The following PRKCA variants were observed in gnomAD, a reference collection of about 807,000 sequenced individuals.
PRKCA encodes protein kinase C alpha.
Under a neutral mutation model 87.0 loss-of-function variants are expected in PRKCA, and 27 were observed. The ratio of observed to expected loss-of-function variants is 0.31; its 90% CI spans 0.23 to 0.43. The LOEUF (loss-of-function observed/expected upper bound fraction) is 0.43. PRKCA is among the 20% of genes least tolerant of loss of function. PRKCA has a pLI of 1.00. For synonymous variants in PRKCA, 329 were observed against 311.1 expected, an observed-to-expected ratio of 1.06 and a Z score of -0.61; for missense variants, 518 against 852.3, an observed-to-expected ratio of 0.61 and a Z score of 4.88.
chr17:66,409,785 G>T (rs1224948120), intron 2 of PRKCA, among the ~76,000 whole-genome samples: 1 of 152,194 alleles, frequency 6.6e-6, no homozygotes, highest in Non-Finnish European at 1.5e-5. Flanking sequence ...AAAAAAATTA[G>T]CCAGACGTGG....
intron 2 of PRKCA, among the ~76,000 whole-genome samples, chr17:66,433,661 C>T (rs1454103083): frequency 6.6e-6 from 1 of 152,186 alleles, no homozygotes; most frequent in Non-Finnish European, 1.5e-5. Flanking sequence ...TCTCAGGCCA[C>T]AGCCTCCCGA....
chr17:66,675,671 T>C (rs1972309100), intron 5 of PRKCA, among the ~76,000 whole-genome samples: 1 of 152,160 alleles, frequency 6.6e-6, no homozygotes, highest in African/African-American at 2.4e-5. Flanking sequence ...CAGAGTGTTT[T>C]AGGATGTGCC....
chr17:66,447,805 G>T (rs561148195), intron 2 of PRKCA, among the ~76,000 whole-genome samples: 1 of 152,190 alleles, frequency 6.6e-6, no homozygotes, highest in African/African-American at 2.4e-5. Flanking sequence ...ACCTCCTCAC[G>T]TCTAGGCTCT....
intron 13 of PRKCA, among the ~76,000 whole-genome samples, chr17:66,751,222 TA>T (rs1974419695): frequency 6.6e-6 from 1 of 152,250 alleles, no homozygotes; most frequent in South Asian, 2.1e-4. Flanking sequence ...GCCACGCACT[TA>T]ACGCCTGTTA....
intron 2 of PRKCA, among the ~76,000 whole-genome samples, chr17:66,338,202 C>T (rs764012503): frequency 6.6e-6 from 1 of 152,084 alleles, no homozygotes; most frequent in Non-Finnish European, 1.5e-5. Flanking sequence ...TTACACCATG[C>T]TTGAGGCTGC....
At chr17:66,615,379 T>A (rs1970488048) in intron 3 of PRKCA, among the ~76,000 whole-genome samples, 1 of 152,080 alleles carries the variant, frequency 6.6e-6, no homozygotes, top group Non-Finnish European at 1.5e-5. Context: ...GTAATGGGAT[T>A]GTATTCTGTA....
intron 13 of PRKCA, among the ~76,000 whole-genome samples, chr17:66,746,819 A>G (rs564582099): frequency 5.7e-4 from 87 of 152,296 alleles, no homozygotes; most frequent in Non-Finnish European, 1.1e-3. Flanking sequence ...AGAGTCCTTG[A>G]GCAGGCCAAG....
At chr17:66,409,068 A>G (rs1441447175) in intron 2 of PRKCA, among the ~76,000 whole-genome samples, 2 of 150,802 alleles carry the variant, frequency 1.3e-5, no homozygotes, top group African/African-American at 4.9e-5. Context: ...AGAAGAATAA[A>G]TAGTGGTTGT....
At chr17:66,383,112 A>G (rs4997085) in intron 2 of PRKCA, among the ~76,000 whole-genome samples, 8,284 of 128,884 alleles carry the variant, frequency 0.064, 314 homozygotes, top group East Asian at 0.14. Context: ...TTTCTCTCCT[A>G]TACTACATAT....
intron 8 of PRKCA, among the ~76,000 whole-genome samples, chr17:66,726,063 C>G (rs1336538695): frequency 6.6e-6 from 1 of 152,134 alleles, no homozygotes; most frequent in Admixed American, 6.5e-5. Context: ...TCCCATAACT[C>G]GGGCACCTCG....
chr17:66,321,230 G>A (rs931492221), intron 2 of PRKCA, among the ~76,000 whole-genome samples: 5 of 152,116 alleles, frequency 3.3e-5, no homozygotes, highest in African/African-American at 4.8e-5. Flanking sequence ...TTAAAAATTA[G>A]TCTGAAACAA....
intron 5 of PRKCA, among the ~76,000 whole-genome samples, chr17:66,663,902 C>T (rs1394564305): frequency 6.6e-6 from 1 of 150,376 alleles, no homozygotes; most frequent in Non-Finnish European, 1.5e-5. Context: ...GGGTCTCACT[C>T]AGTCACCCAG....
At chr17:66,456,863 A>G (rs559113719) in intron 2 of PRKCA, among the ~76,000 whole-genome samples, 16 of 152,330 alleles carry the variant, frequency 1.1e-4, no homozygotes, top group African/African-American at 3.8e-4. Flanking sequence ...CGATGCTGCA[A>G]GGAAAGCACA....
intron 8 of PRKCA, among the ~76,000 whole-genome samples, chr17:66,710,239 G>T (rs1239924820): frequency 6.6e-6 from 1 of 152,014 alleles, no homozygotes; most frequent in Non-Finnish European, 1.5e-5. Context: ...TGCACTGGAA[G>T]GTTCACCGCA....
intron 3 of PRKCA, among the ~76,000 whole-genome samples, chr17:66,619,534 C>A (rs1970614350): frequency 6.6e-6 from 1 of 152,174 alleles, no homozygotes. Flanking sequence ...ATAAAAATAT[C>A]CATTAAGGCT....
At chr17:66,354,674 A>C (rs1480048984) in intron 2 of PRKCA, among the ~76,000 whole-genome samples, 1 of 152,112 alleles carries the variant, frequency 6.6e-6, no homozygotes, top group African/African-American at 2.4e-5. Flanking sequence ...CTACTTGACT[A>C]ATCAGTTTAA....
chr17:66,626,289 G>A (rs939218651), intron 3 of PRKCA, among the ~76,000 whole-genome samples: 1 of 150,818 alleles, frequency 6.6e-6, no homozygotes. Flanking sequence ...CCAGGCTCAA[G>A]CAATCTTCCC....
chr17:66,420,002 CTTTTTTTT>C (rs558522698), intron 2 of PRKCA, among the ~76,000 whole-genome samples: 1 of 113,714 alleles, frequency 8.8e-6, no homozygotes, highest in African/African-American at 3.2e-5. Flanking sequence ...GGGTTGTGTT[CTTTTTTTT>C]TTTTTTTTTT....
intron 8 of PRKCA, among the ~76,000 whole-genome samples, chr17:66,690,270 C>T (rs1358929227): frequency 6.6e-6 from 1 of 152,146 alleles, no homozygotes; most frequent in East Asian, 1.9e-4. Flanking sequence ...GGAGCACAGA[C>T]GAGTGAAATG....
Sources: allele counts gnomAD v4.1 joint callset (sites outside exome capture counted in the v4.1 genomes callset), GRCh38; gene constraint gnomAD v4.1.1; transcripts MANE v1.5; gene names NCBI Gene and HGNC (gene_info 2026-07-23, HGNC 2026-07-21).